Variants in LHFPL3 observed in about 807,000 individuals in gnomAD.
The protein encoded by LHFPL3 is LHFPL tetraspan subfamily member 3, also known as LHFPL tetraspan subfamily member 3 protein.
LHFPL3 carries 5 observed loss-of-function variants against 19.3 expected under a neutral mutation model. The observed-to-expected ratio is 0.26, with a 90% CI of 0.14 to 0.54. LHFPL3 has a LOEUF of 0.54. Ranked by LOEUF, LHFPL3 falls within the 20% of genes least tolerant of loss-of-function variation. The pLI, the probability that LHFPL3 is intolerant of heterozygous loss-of-function variation, is 0.94. For synonymous variants in LHFPL3, 133 were observed against 126.2 expected (o/e 1.05, Z -0.36); for missense variants, 249 against 307.4 (o/e 0.81, Z 1.42).
intron 1 of LHFPL3, among the ~76,000 whole-genome samples, chr7:104,447,507 GCAGT>G (rs1015107060): frequency 6.6e-5 from 10 of 151,918 alleles, no homozygotes; most frequent in African/African-American, 2.4e-4. Context: ...AGTCAAAAAG[GCAGT>G]CAGTTTCTTT....
intron 2 of LHFPL3, among the ~76,000 whole-genome samples, chr7:104,887,901 T>C (rs1265226955): frequency 6.6e-6 from 1 of 152,204 alleles, no homozygotes; most frequent in East Asian, 1.9e-4. Flanking sequence ...GGTAGGACTT[T>C]CAGAGTTGTT....
At chr7:104,885,734 C>A (rs1371489918) in intron 2 of LHFPL3, among the ~76,000 whole-genome samples, 1 of 152,176 alleles carries the variant, frequency 6.6e-6, no homozygotes, top group Non-Finnish European at 1.5e-5. Context: ...TTGTCACTCA[C>A]TCACTCACAG....
chr7:104,404,863 G>T (rs1371503289), intron 1 of LHFPL3, among the ~76,000 whole-genome samples: 1 of 152,134 alleles, frequency 6.6e-6, no homozygotes, highest in African/African-American at 2.4e-5. Context: ...GATTTCATAT[G>T]ATTGTCCATG....
chr7:104,423,676 C>T (rs1390606982), intron 1 of LHFPL3, among the ~76,000 whole-genome samples: 1 of 151,956 alleles, frequency 6.6e-6, no homozygotes, highest in East Asian at 1.9e-4. Flanking sequence ...AAACAACAAA[C>T]AAACAGAAAA....
intron 1 of LHFPL3, among the ~76,000 whole-genome samples, chr7:104,515,512 T>A (rs1793904186): frequency 6.6e-6 from 1 of 152,212 alleles, no homozygotes; most frequent in Non-Finnish European, 1.5e-5. Context: ...GAAGAAGCTC[T>A]AGCAGTGAAA....
At chr7:104,616,303 G>A (rs1791338616) in intron 1 of LHFPL3, among the ~76,000 whole-genome samples, 1 of 152,088 alleles carries the variant, frequency 6.6e-6, no homozygotes, top group African/African-American at 2.4e-5. Flanking sequence ...TAGACCAATG[G>A]AACAGAGCAG....
At position 104,852,333 on chromosome 7, in the gene LHFPL3, A is replaced by G. The variant is rs146720520; in HGVS notation, c.683-53854A>G. ...TGAATTTTAAACTTACTCAGTGTCCAGAAATGTGCAGCCTGCTGCCCCCAG... is the reference window on the plus strand; with the variant it reads ...TGAATTTTAAACTTACTCAGTGTCCGGAAATGTGCAGCCTGCTGCCCCCAG... On this transcript the variant is annotated intron_variant, in intron 2 of 2. Transcript: ENST00000424859. Among the ~76,000 whole-genome samples, 343 of 152,390 alleles carry G rather than the reference A, an allele frequency of 2.3e-3. 1 individual carries two copies. The highest frequency in any genetic ancestry group is 6.4e-3 in the Admixed American group (98 of 15,312).
At chr7:104,678,714 ATAGCCATAATAAAAAAT>A (rs1170287862) in intron 1 of LHFPL3, among the ~76,000 whole-genome samples, 8 of 152,234 alleles carry the variant, frequency 5.3e-5, no homozygotes, top group African/African-American at 1.4e-4. Context: ...ATATAATTGT[ATAGCCATAATAAAAAAT>A]TAGCCATAAT....
intron 1 of LHFPL3, among the ~76,000 whole-genome samples, chr7:104,483,024 G>A (rs1357032603): frequency 6.6e-6 from 1 of 152,222 alleles, no homozygotes; most frequent in African/African-American, 2.4e-5. Flanking sequence ...GGCACCACAT[G>A]GATATTCCCA....
intron 1 of LHFPL3, among the ~76,000 whole-genome samples, chr7:104,347,755 G>A (rs113153106): frequency 0.022 from 3,373 of 152,114 alleles, 141 homozygotes; most frequent in African/African-American, 0.077. Flanking sequence ...AGTCGGGCGT[G>A]GTGGCACGCC....
intron 1 of LHFPL3, among the ~76,000 whole-genome samples, chr7:104,657,327 T>C (rs1792138856): frequency 6.6e-6 from 1 of 152,240 alleles, no homozygotes; most frequent in Non-Finnish European, 1.5e-5. Flanking sequence ...TAAGCCTGCT[T>C]ATCAGTAGTA....
In LHFPL3 at chr7:104,696,111, C is replaced by T. The variant is rs139488935; in HGVS notation, c.446-40564C>T. Among the ~76,000 whole-genome samples the T allele has an allele frequency of 6.4e-3, 971 of 152,136 alleles. 6 individuals carry two copies. The highest frequency in any genetic ancestry group is 0.021 in the African/African-American group (886 of 41,506). ...GACTACAGGCACCCACCACCACGCC[C>T]GGCTAATTTTTGTGTTTTTTAGTAG... On this transcript the variant is annotated intron_variant, in intron 1 of 2. Coordinates refer to ENST00000424859, the MANE Select transcript of LHFPL3 (RefSeq NM_199000.3).
intron 2 of LHFPL3, among the ~76,000 whole-genome samples, chr7:104,762,275 G>C (rs1794384063): frequency 6.6e-6 from 1 of 152,178 alleles, no homozygotes; most frequent in Non-Finnish European, 1.5e-5. Flanking sequence ...AAAAAGGAAA[G>C]TTGAACTCAG....
intron 1 of LHFPL3, among the ~76,000 whole-genome samples, chr7:104,537,874 A>G (rs1184076551): frequency 3.3e-5 from 5 of 152,214 alleles, no homozygotes; most frequent in African/African-American, 1.2e-4. Context: ...CGCATAAAGA[A>G]ATGATTACTT....
chr7:104,435,670 A>G (rs1792090443), intron 1 of LHFPL3, among the ~76,000 whole-genome samples: 1 of 151,918 alleles, frequency 6.6e-6, no homozygotes, highest in Admixed American at 6.6e-5. Context: ...TCTTCAATTG[A>G]TGGCCCCTTG....
chr7:104,717,925 T>C (rs1037649322), intron 1 of LHFPL3, among the ~76,000 whole-genome samples: 1 of 152,180 alleles, frequency 6.6e-6, no homozygotes, highest in East Asian at 1.9e-4. Context: ...CATGGACAGA[T>C]AGATGGATTA....
rs779763553 is a variant in LHFPL3, at chr7:104,894,444, C to G, written c.683-11743C>G. On this transcript the variant is annotated intron_variant, in intron 2 of 2. Transcript: ENST00000424859. The stretch of plus-strand genomic sequence containing the variant: ...TGGGAGATGTCCTTACCAGGGACAT[C>G]ATTTAACTCAGAGCATGACCACATT... Among the ~76,000 whole-genome samples, 48 of 152,236 alleles carry G rather than the reference C, an allele frequency of 3.2e-4. No individual in the cohort carries two copies. The Middle Eastern group carries it at 0.021, about 65-fold the overall frequency.
intron 1 of LHFPL3, among the ~76,000 whole-genome samples, chr7:104,701,629 A>G (rs912902357): frequency 2.6e-5 from 4 of 152,182 alleles, no homozygotes; most frequent in African/African-American, 9.6e-5. Context: ...TGGGAGTTGC[A>G]GAGGCGTAAG....
rs548244746 is a variant in LHFPL3 at position 104,510,255 on chromosome 7, A to T, written c.445+181031A>T. Among the ~76,000 whole-genome samples the T allele has an allele frequency of 2.0e-5, 3 of 152,290 alleles. 1 individual carries two copies. Among genetic ancestry groups the T allele is most frequent in the African/African-American group, 7.2e-5 (3 of 41,576 alleles). On this transcript the variant is annotated intron_variant, in intron 1 of 2. Transcript: ENST00000424859. ...ATTCTAAAATTTATATTGAAAGGCA[A>T]AGAAACTGGAGTAGCTAAAACAACT...
Sources: allele counts gnomAD v4.1 joint callset (sites outside exome capture counted in the v4.1 genomes callset), GRCh38; gene constraint gnomAD v4.1.1; transcripts MANE v1.5; gene names NCBI Gene and HGNC (gene_info 2026-07-23, HGNC 2026-07-21).